NALF1: variants seen among roughly 807,000 people sequenced by gnomAD.
NALF1 encodes NALCN channel auxiliary factor 1, also known as family with sequence similarity 155 member A.
NALF1 carries 3 observed loss-of-function variants against 48.4 expected under a neutral mutation model. The ratio of observed to expected loss-of-function variants is 0.06; its 90% CI spans 0.03 to 0.16. The LOEUF is 0.16. Ranked by LOEUF, NALF1 falls within the 10% of genes least tolerant of loss-of-function variation. NALF1 has a pLI of 1.00. For missense variants in NALF1, 526 were observed against 571.5 expected (o/e 0.92, Z 0.81); for synonymous variants, 262 against 245.7 (o/e 1.07, Z -0.62).
intron 1 of NALF1, among the ~76,000 whole-genome samples, chr13:107,609,207 G>A (rs528936809): frequency 3.7e-4 from 57 of 152,330 alleles, no homozygotes; most frequent in African/African-American, 7.0e-4. Context: ...GGCCAGAGGG[G>A]CTGTCCTCTA....
At chr13:107,325,152 G>A (rs1351397177) in intron 1 of NALF1, among the ~76,000 whole-genome samples, 4 of 152,020 alleles carry the variant, frequency 2.6e-5, no homozygotes, top group African/African-American at 4.8e-5. Flanking sequence ...ATATTATTAG[G>A]ACACAACCAT....
intron 1 of NALF1, among the ~76,000 whole-genome samples, chr13:107,774,579 C>G (rs1255871105): frequency 2.6e-5 from 4 of 152,272 alleles, no homozygotes; most frequent in African/African-American, 9.6e-5. Context: ...TACCTAACAC[C>G]AGCATATAAC....
intron 1 of NALF1, among the ~76,000 whole-genome samples, chr13:107,357,036 A>G (rs945128017): frequency 6.6e-6 from 1 of 152,344 alleles, no homozygotes; most frequent in Admixed American, 6.5e-5. Context: ...GGAAAGGAGG[A>G]TAAATCAAAC....
At chr13:107,556,638 T>G (rs1877491766) in intron 1 of NALF1, among the ~76,000 whole-genome samples, 1 of 148,746 alleles carries the variant, frequency 6.7e-6, no homozygotes, top group Non-Finnish European at 1.5e-5. Context: ...ATTACAGGCA[T>G]GCACTGCCCT....
At chr13:107,699,283 G>GACAC (rs554882167) in intron 1 of NALF1, among the ~76,000 whole-genome samples, 13 of 152,018 alleles carry the variant, frequency 8.6e-5, no homozygotes, top group Non-Finnish European at 1.8e-4. Context: ...AAAAAAGAGA[G>GACAC]ACACTACTTG....
At chr13:107,253,812 T>G (rs1339250756) in intron 1 of NALF1, among the ~76,000 whole-genome samples, 1 of 152,092 alleles carries the variant, frequency 6.6e-6, no homozygotes, top group African/African-American at 2.4e-5. Flanking sequence ...GATCTTCACG[T>G]CATTAACTTC....
intron 1 of NALF1, among the ~76,000 whole-genome samples, chr13:107,443,445 G>T (rs140065467): frequency 6.6e-6 from 1 of 152,126 alleles, no homozygotes; most frequent in African/African-American, 2.4e-5. Context: ...TCGAACCCAT[G>T]ACCTCAAGTG....
intron 1 of NALF1, among the ~76,000 whole-genome samples, chr13:107,777,326 T>A (rs1463339152): frequency 2.0e-5 from 3 of 152,150 alleles, no homozygotes; most frequent in Non-Finnish European, 2.9e-5. Context: ...TTGAGCTTTA[T>A]CAGCCGATAG....
intron 1 of NALF1, among the ~76,000 whole-genome samples, chr13:107,724,447 G>A (rs574417139): frequency 1.3e-5 from 2 of 151,944 alleles, no homozygotes; most frequent in East Asian, 1.9e-4. Flanking sequence ...GAATATAATC[G>A]TTCATTTACG....
intron 1 of NALF1, among the ~76,000 whole-genome samples, chr13:107,625,965 G>A (rs1879660389): frequency 6.6e-6 from 1 of 152,032 alleles, no homozygotes. Context: ...ACTGAATACT[G>A]AGGGCATTTG....
At chr13:107,370,386 G>A (rs955211158) in intron 1 of NALF1, among the ~76,000 whole-genome samples, 4 of 152,120 alleles carry the variant, frequency 2.6e-5, no homozygotes, top group African/African-American at 4.8e-5. Flanking sequence ...CTCTTGCAAA[G>A]TTCTATCACC....
chr13:107,373,119 A>T (rs1883275684), intron 1 of NALF1, among the ~76,000 whole-genome samples: 1 of 152,212 alleles, frequency 6.6e-6, no homozygotes, highest in Non-Finnish European at 1.5e-5. Flanking sequence ...TATAAGGTAT[A>T]CAGAGCATCT....
rs115926449 is a variant in NALF1 at position 107,268,934 on chromosome 13, G to T, written c.916-58179C>A. On this transcript the variant is annotated intron_variant, in intron 1 of 2. Coordinates refer to ENST00000375915, the MANE Select transcript of NALF1 (RefSeq NM_001080396.3). ...TTCTCTGAGGGTAGTTTATTTTAAGGATGATAGTAATGTGATTAGATGAGT... is the reference window on the plus strand; with the variant it reads ...TTCTCTGAGGGTAGTTTATTTTAAGTATGATAGTAATGTGATTAGATGAGT... Among the ~76,000 whole-genome samples, 1,011 of 152,208 alleles carry T rather than the reference G, an allele frequency of 6.6e-3. 12 individuals are homozygous for T. Among genetic ancestry groups the T allele is most frequent in the African/African-American group, 0.023 (950 of 41,534 alleles).
chr13:107,839,833 T>C (rs1879996953), intron 1 of NALF1, among the ~76,000 whole-genome samples: 1 of 152,216 alleles, frequency 6.6e-6, no homozygotes, highest in African/African-American at 2.4e-5. Flanking sequence ...TAGACTACTC[T>C]GTGAATAATT....
chr13:107,643,090 G>A (rs984091906), intron 1 of NALF1, among the ~76,000 whole-genome samples: 1 of 151,972 alleles, frequency 6.6e-6, no homozygotes, highest in Admixed American at 6.5e-5. Flanking sequence ...TCTCCGTTAG[G>A]GGCACCCAGC....
chr13:107,602,008 A>G (rs1878944550), intron 1 of NALF1, among the ~76,000 whole-genome samples: 1 of 152,104 alleles, frequency 6.6e-6, no homozygotes, highest in Non-Finnish European at 1.5e-5. Flanking sequence ...TTCAAATTCA[A>G]TATGACTTGG....
intron 1 of NALF1, among the ~76,000 whole-genome samples, chr13:107,262,769 G>GTGCGCGCTCTCTCT (rs1555329322): frequency 6.9e-6 from 1 of 144,036 alleles, no homozygotes; most frequent in Admixed American, 7.0e-5. Context: ...ACCCACAGGC[G>GTGCGCGCTCTCTCT]CTCTCTCTCT....
At chr13:107,673,324 C>G (rs1389699845) in intron 1 of NALF1, among the ~76,000 whole-genome samples, 1 of 152,118 alleles carries the variant, frequency 6.6e-6, no homozygotes, top group African/African-American at 2.4e-5. Context: ...ATGCACCATA[C>G]CCCTCTTATA....
Position 107,231,314 on chromosome 13 carries a change from T to A in NALF1, c.916-20559A>T, listed in dbSNP as rs7999600. ...ATTTCCTCAGTTATTTGCATATTTT[T>A]GCCAGTTTTATCTCAAATATCTTTT... On this transcript the variant is annotated intron_variant, in intron 1 of 2. Transcript: ENST00000375915. Among the ~76,000 whole-genome samples, 1,195 of 152,310 alleles carry A rather than the reference T, an allele frequency of 7.8e-3. 14 individuals carry two copies. The highest frequency in any genetic ancestry group is 0.027 in the African/African-American group (1,132 of 41,564).
Sources: allele counts gnomAD v4.1 joint callset (sites outside exome capture counted in the v4.1 genomes callset), GRCh38; gene constraint gnomAD v4.1.1; transcripts MANE v1.5; gene names NCBI Gene and HGNC (gene_info 2026-07-23, HGNC 2026-07-21).